Variants in TMEM132D observed in about 807,000 individuals in gnomAD.
The protein encoded by TMEM132D is mature OL transmembrane protein.
Under a neutral mutation model 62.3 loss-of-function variants are expected in TMEM132D, and 21 were observed. That is an observed-to-expected ratio of 0.34 (90% CI 0.24 to 0.49). The LOEUF (loss-of-function observed/expected upper bound fraction) is 0.49. TMEM132D is among the 20% of genes least tolerant of loss of function. The pLI is 0.99. For synonymous variants in TMEM132D, 621 were observed against 575.6 expected, an observed-to-expected ratio of 1.08 and a Z score of -1.13; for missense variants, 1,346 against 1,402.8, an observed-to-expected ratio of 0.96 and a Z score of 0.65.
At chr12:129,877,648 G>A (rs1285022553) in intron 1 of TMEM132D, among the ~76,000 whole-genome samples, 1 of 151,866 alleles carries the variant, frequency 6.6e-6, no homozygotes, top group Non-Finnish European at 1.5e-5. Flanking sequence ...GAGAGAGAGA[G>A]AGAGAGCGCT....
chr12:129,195,077 G>T (rs1878510941), intron 5 of TMEM132D, among the ~76,000 whole-genome samples: 1 of 152,194 alleles, frequency 6.6e-6, no homozygotes, highest in South Asian at 2.1e-4. Flanking sequence ...ATATAGGAAG[G>T]CTTTGGTGAT....
intron 3 of TMEM132D, among the ~76,000 whole-genome samples, chr12:129,440,570 C>A (rs1566069236): frequency 6.6e-6 from 1 of 152,148 alleles, no homozygotes. Context: ...CCCATAATAG[C>A]ATGGGCATAT....
intron 3 of TMEM132D, among the ~76,000 whole-genome samples, chr12:129,448,391 T>C (rs1481019913): frequency 1.3e-5 from 2 of 152,114 alleles, no homozygotes; most frequent in Non-Finnish European, 2.9e-5. Context: ...CACCCTCCAG[T>C]AGGCCCCAGT....
At chr12:129,111,660 A>G (rs1235862041) in intron 5 of TMEM132D, 1 of 152,168 alleles carries the variant, frequency 6.6e-6, no homozygotes, top group African/African-American at 2.4e-5. Context: ...TTTTGATTTC[A>G]TCTCCCAAGG....
Position 129,620,491 on chromosome 12 carries a change from C to T in TMEM132D, c.968+79319G>A, listed in dbSNP as rs552995340. Among the ~76,000 whole-genome samples the T allele has an allele frequency of 2.6e-5, 4 of 152,198 alleles. No homozygotes were observed. In the South Asian group the frequency reaches 6.2e-4, roughly 24 times the overall value. On this transcript the variant is annotated intron_variant, in intron 2 of 8. Coordinates refer to ENST00000422113, the MANE Select transcript of TMEM132D (RefSeq NM_133448.3). ...GCACATGCCTGTAATCCTAGCTGCT[C>T]GGGAGGCTGAAACTTGAGAATCACT...
At chr12:129,572,716 T>C (rs155690) in intron 2 of TMEM132D, among the ~76,000 whole-genome samples, 90,276 of 151,814 alleles carry the variant, frequency 0.59, 27,190 homozygotes, top group African/African-American at 0.63. Flanking sequence ...CCCAAAGTGC[T>C]GGGATTACAA....
chr12:129,721,617 C>T (rs1868834203), intron 1 of TMEM132D, among the ~76,000 whole-genome samples: 1 of 152,024 alleles, frequency 6.6e-6, no homozygotes, highest in Non-Finnish European at 1.5e-5. Context: ...CCGTTGATCT[C>T]CTCTGAGAAC....
chr12:129,182,132 T>A (rs1424380183), intron 5 of TMEM132D, among the ~76,000 whole-genome samples: 1 of 152,000 alleles, frequency 6.6e-6, no homozygotes, highest in South Asian at 2.1e-4. Context: ...GAGGCAGAGG[T>A]GAGTGGATCA....
At position 129,699,866 on chromosome 12, in the gene TMEM132D, C is replaced by A. The variant is rs748633720; in HGVS notation, c.912G>T (p.Val304=). 6.2e-7 allele frequency: 1 copy of A among 1,614,204 alleles called. No homozygotes were observed. The highest frequency in any genetic ancestry group is 8.5e-7 in the Non-Finnish European group (1 of 1,180,042). Residue 304 remains valine, a synonymous_variant, in exon 2 of 9, where the codon GTG becomes GTT. Transcript: ENST00000422113. ...TGGAGATGGAAACAGGAAAAGTCAG[C>A]ACGTCTCCTTTCCTCACGGTCTTTG... is the stretch of plus-strand genomic sequence containing the variant. ...YIPKTVRKGD[V]LTFPVSISRN...
In TMEM132D at chr12:129,257,204, C is replaced by CTT. The variant is rs10609616; in HGVS notation, c.1300-47543_1300-47542dup. 2.9e-3 allele frequency among the ~76,000 whole-genome samples: 355 copies of CTT among 122,608 alleles called. 1 individual carries two copies. The highest frequency in any genetic ancestry group is 0.01 in the African/African-American group (321 of 31,788). The allele number at this position is 122,608 out of a possible 152,430, so 80.4% of individuals were successfully genotyped here. A position where few individuals can be genotyped will look rare whatever the true frequency, so the allele number is the denominator to read the frequency against. ...GCATCCAGGCATCCCCTGTTTCTTTCTTTTTTTTTTTTTTTTTTTTGAGAT... is the reference window on the plus strand; with the variant it reads ...GCATCCAGGCATCCCCTGTTTCTTTCTTTTTTTTTTTTTTTTTTTTTTGAGAT... On this transcript the variant is annotated intron_variant, in intron 4 of 8. Coordinates refer to ENST00000422113, the MANE Select transcript of TMEM132D (RefSeq NM_133448.3).
chr12:129,798,150 G>A (rs767527802), intron 1 of TMEM132D, among the ~76,000 whole-genome samples: 10 of 152,116 alleles, frequency 6.6e-5, no homozygotes, highest in South Asian at 2.1e-4. Context: ...AGACTCCACC[G>A]GAAGCTGAGC....
At chr12:129,537,205 G>A (rs1422531458) in intron 2 of TMEM132D, among the ~76,000 whole-genome samples, 5 of 148,966 alleles carry the variant, frequency 3.4e-5, no homozygotes, top group African/African-American at 1.2e-4. Context: ...AGGTTTTTAT[G>A]TTTATAAACT....
intron 4 of TMEM132D, among the ~76,000 whole-genome samples, chr12:129,294,879 G>T (rs965898829): frequency 2.6e-5 from 4 of 152,092 alleles, no homozygotes; most frequent in African/African-American, 7.2e-5. Context: ...TCTCCAGTTT[G>T]GTGGGATTTT....
chr12:129,807,147 T>C (rs532629482), intron 1 of TMEM132D, among the ~76,000 whole-genome samples: 9 of 152,306 alleles, frequency 5.9e-5, no homozygotes, highest in African/African-American at 2.2e-4. Flanking sequence ...GCACACAGGA[T>C]GGGACAACGT....
intron 1 of TMEM132D, among the ~76,000 whole-genome samples, chr12:129,836,790 C>T (rs998119424): frequency 2.6e-5 from 4 of 152,070 alleles, no homozygotes; most frequent in Non-Finnish European, 5.9e-5. Flanking sequence ...TTTACACACA[C>T]AGCTACTAAA....
In TMEM132D at chr12:129,471,035, T is replaced by C. The variant is rs76688842; in HGVS notation, c.1115+60024A>G. On this transcript the variant is annotated intron_variant, in intron 3 of 8. Coordinates refer to ENST00000422113, the MANE Select transcript of TMEM132D (RefSeq NM_133448.3). Reference sequence around the variant, plus strand: ...TCTAGGAAAGCTGACCACATGTCTTTGACTCATGTTTATTATCTGGATCTT... The same window carrying C: ...TCTAGGAAAGCTGACCACATGTCTTCGACTCATGTTTATTATCTGGATCTT... Among the ~76,000 whole-genome samples the C allele has an allele frequency of 4.1e-3, 618 of 152,238 alleles. 17 individuals carry two copies. The East Asian group carries it at 0.06, about 15-fold the overall frequency.
intron 2 of TMEM132D, among the ~76,000 whole-genome samples, chr12:129,674,005 G>A (rs1880568648): frequency 6.6e-6 from 1 of 152,210 alleles, no homozygotes; most frequent in South Asian, 2.1e-4. Context: ...AACCCCCGCT[G>A]ACAGTTTGCA....
At chr12:129,479,166 G>A (rs1244925439) in intron 3 of TMEM132D, among the ~76,000 whole-genome samples, 1 of 152,152 alleles carries the variant, frequency 6.6e-6, no homozygotes, top group East Asian at 1.9e-4. Flanking sequence ...CCAGTATAGG[G>A]CTGATGCTTA....
chr12:129,876,583 T>C (rs1208323788), intron 1 of TMEM132D, among the ~76,000 whole-genome samples: 1 of 152,172 alleles, frequency 6.6e-6, no homozygotes, highest in Non-Finnish European at 1.5e-5. Context: ...CTCATGTAAC[T>C]GAACAGCTCT....
Sources: gnomAD v4.1 joint callset for allele counts (sites outside exome capture counted in the v4.1 genomes callset) on GRCh38, gnomAD v4.1.1 for gene constraint, MANE v1.5 for transcripts, NCBI Gene and HGNC (gene_info 2026-07-23, HGNC 2026-07-21) for gene names.